The following MGMT variants were observed in gnomAD, a reference collection of about 807,000 sequenced individuals.
MGMT encodes the protein O-6-methylguanine-DNA methyltransferase.
A neutral mutation model predicts 15.9 loss-of-function variants in MGMT; 14 were observed. That is an observed-to-expected ratio of 0.88 (90% CI 0.58 to 1.37). MGMT has a LOEUF of 1.37. Among genes scored for constraint, MGMT ranks in the 40% most tolerant of loss-of-function variants. The pLI is 0.00. For missense variants in MGMT, 282 were observed against 268.1 expected, an observed-to-expected ratio of 1.05 and a Z score of -0.36; for synonymous variants, 130 against 118.2, an observed-to-expected ratio of 1.10 and a Z score of -0.65.
At chr10:129,676,768 GATAC>G (rs201228938) in intron 2 of MGMT, among the ~76,000 whole-genome samples, 1 of 149,828 alleles carries the variant, frequency 6.7e-6, no homozygotes, top group African/African-American at 2.4e-5. Flanking sequence ...TATGCAAGCA[GATAC>G]ATACATTACA....
chr10:129,576,919 T>G (rs1308728567), intron 2 of MGMT, among the ~76,000 whole-genome samples: 1 of 152,132 alleles, frequency 6.6e-6, no homozygotes, highest in Non-Finnish European at 1.5e-5. Flanking sequence ...AAATCATGAG[T>G]GAACTCCCAT....
At chr10:129,493,014 A>G (rs1377868359) in intron 1 of MGMT, among the ~76,000 whole-genome samples, 1 of 152,136 alleles carries the variant, frequency 6.6e-6, no homozygotes, top group Non-Finnish European at 1.5e-5. Flanking sequence ...AATATCTGCA[A>G]TCCTGTGGGT....
At chr10:129,467,386 C>T in intron 1 of MGMT, 90 bp downstream of exon 1, 1 of 1,390,414 alleles carries the variant, frequency 7.2e-7, no homozygotes. Context: ...GGCGCCCTCA[C>T]TTCGCCGTCG....
At chr10:129,495,143 A>G (rs1351682643) in intron 1 of MGMT, among the ~76,000 whole-genome samples, 1 of 152,206 alleles carries the variant, frequency 6.6e-6, no homozygotes, top group Admixed American at 6.5e-5. Context: ...AGGATTAACA[A>G]TTTACATTTA....
rs143017675 is a variant in MGMT, at chr10:129,498,683, G to A, written c.-13+31387G>A. On this transcript the variant is annotated intron_variant, in intron 1 of 4. Coordinates refer to ENST00000651593, the MANE Select transcript of MGMT (RefSeq NM_002412.5). ...TGGACCTGCCCATCGTTTTTCTAGC[G>A]CTTTCCTACTTTCTGGGATCATAGT... Among the ~76,000 whole-genome samples, 698 of 152,162 alleles carry A rather than the reference G, an allele frequency of 4.6e-3. 4 individuals are homozygous for A. Among genetic ancestry groups the A allele is most frequent in the Middle Eastern group, 6.8e-3 (2 of 294 alleles).
chr10:129,699,781 C>G (rs1309446004), intron 2 of MGMT, among the ~76,000 whole-genome samples: 1 of 152,154 alleles, frequency 6.6e-6, no homozygotes, highest in East Asian at 1.9e-4. Flanking sequence ...GGAAGACCTC[C>G]TGTTTACTTC....
At chr10:129,490,355 A>G (rs987045289) in intron 1 of MGMT, among the ~76,000 whole-genome samples, 5 of 152,176 alleles carry the variant, frequency 3.3e-5, no homozygotes, top group African/African-American at 9.6e-5. Flanking sequence ...ATGTTAAGCT[A>G]TCTTTGCATT....
intron 3 of MGMT, among the ~76,000 whole-genome samples, chr10:129,714,632 A>G (rs1349327212): frequency 2.6e-5 from 4 of 152,204 alleles, no homozygotes; most frequent in Admixed American, 1.3e-4. Context: ...TCTGAGAATT[A>G]TTGTTCTAAA....
chr10:129,571,244 T>A (rs1846413782), intron 2 of MGMT, among the ~76,000 whole-genome samples: 1 of 152,228 alleles, frequency 6.6e-6, no homozygotes, highest in South Asian at 2.1e-4. Flanking sequence ...TCAACATTTC[T>A]AATCAAATCA....
intron 2 of MGMT, among the ~76,000 whole-genome samples, chr10:129,646,719 AATATAT>A (rs10543851): frequency 0.08 from 6,534 of 81,600 alleles, 626 homozygotes; most frequent in Middle Eastern, 0.14. Context: ...GCCCATCAGA[AATATAT>A]ATATATATAT....
chr10:129,617,052 G>T (rs1236728407), intron 2 of MGMT, among the ~76,000 whole-genome samples: 1 of 152,114 alleles, frequency 6.6e-6, no homozygotes, highest in Admixed American at 6.5e-5. Context: ...TTTGTGTGTG[G>T]ATTATTTCTT....
At chr10:129,510,060 G>T (rs746703226) in intron 1 of MGMT, among the ~76,000 whole-genome samples, 9 of 152,176 alleles carry the variant, frequency 5.9e-5, no homozygotes, top group Non-Finnish European at 1.2e-4. Context: ...GGTTCTTCCC[G>T]CAGGGTGCTG....
At chr10:129,592,092 C>T (rs903401877) in intron 2 of MGMT, among the ~76,000 whole-genome samples, 3 of 152,150 alleles carry the variant, frequency 2.0e-5, no homozygotes, top group Non-Finnish European at 4.4e-5. Flanking sequence ...GGATGTTTTC[C>T]GGAGGAAGGG....
intron 2 of MGMT, among the ~76,000 whole-genome samples, chr10:129,547,692 G>T (rs757394323): frequency 3.3e-5 from 5 of 152,230 alleles, no homozygotes; most frequent in African/African-American, 7.2e-5. Context: ...TCCCGTCCTT[G>T]GTTGGCTGGG....
At chr10:129,657,732 C>T (rs112264081) in intron 2 of MGMT, among the ~76,000 whole-genome samples, 2 of 150,158 alleles carry the variant, frequency 1.3e-5, no homozygotes, top group African/African-American at 4.9e-5. Flanking sequence ...CACACACCCC[C>T]TCTCCCCCAA....
At chr10:129,719,761 C>G (rs945026078) in intron 3 of MGMT, among the ~76,000 whole-genome samples, 1 of 152,164 alleles carries the variant, frequency 6.6e-6, no homozygotes, top group Non-Finnish European at 1.5e-5. Context: ...CTGCAACATA[C>G]GAATTTTGGC....
chr10:129,603,097 T>C (rs1846844084), intron 2 of MGMT, among the ~76,000 whole-genome samples: 1 of 152,238 alleles, frequency 6.6e-6, no homozygotes, highest in South Asian at 2.1e-4. Flanking sequence ...AAGTAATTGA[T>C]GCGACTAAAA....
chr10:129,529,438 T>C (rs1167370094), intron 1 of MGMT, among the ~76,000 whole-genome samples: 2 of 152,120 alleles, frequency 1.3e-5, no homozygotes, highest in Non-Finnish European at 2.9e-5. Flanking sequence ...CAGTTCACAA[T>C]AGGCTTCACA....
chr10:129,624,872 A>T (rs924464709), intron 2 of MGMT, among the ~76,000 whole-genome samples: 1 of 152,216 alleles, frequency 6.6e-6, no homozygotes, highest in African/African-American at 2.4e-5. Flanking sequence ...CGGCTATGTA[A>T]ACGTGACAAA....
Sources: gnomAD v4.1 joint callset for allele counts (sites outside exome capture counted in the v4.1 genomes callset) on GRCh38, gnomAD v4.1.1 for gene constraint, MANE v1.5 for transcripts, NCBI Gene and HGNC (gene_info 2026-07-23, HGNC 2026-07-21) for gene names.